EYS: variants seen among roughly 807,000 people sequenced by gnomAD.
EYS encodes protein eyes shut homolog.
A neutral mutation model predicts 282.1 loss-of-function variants in EYS; 250 were observed. That is an observed-to-expected ratio of 0.89 (90% CI 0.80 to 0.98). EYS has a LOEUF of 0.98. Ranked by LOEUF, EYS falls within the 50% of genes least tolerant of loss-of-function variation. The pLI, the probability that EYS is intolerant of heterozygous loss-of-function variation, is 0.00. For synonymous variants in EYS, 1,355 were observed against 1,282.9 expected, an observed-to-expected ratio of 1.06 and a Z score of -1.20; for missense variants, 4,016 against 3,709.0, an observed-to-expected ratio of 1.08 and a Z score of -2.15.
chr6:63,778,016 T>C lies in EYS; in HGVS notation c.7888A>G (p.Thr2630Ala), dbSNP rs1245228917. The change falls in exon 40 of 43, where the codon ACT (threonine) becomes GCT (alanine). Residue 2630 changes from threonine to alanine, a missense_variant. Coordinates refer to ENST00000503581, the MANE Select transcript of EYS (RefSeq NM_001142800.2). ...GNGGTCIESG[T>A]SVYCNCTTGW... is the part of the protein sequence containing the mutation. The stretch of plus-strand genomic sequence containing the variant: ...TAACGTCATACTTACTAAACACTAG[T>C]TCCACTCTCTATGCATGTCCCACCA... The C allele has an allele frequency of 1.9e-6, 3 of 1,551,596 alleles. No individual in the cohort carries two copies. The Admixed American group carries it at 5.9e-5, about 30-fold the overall frequency.
intron 29 of EYS, among the ~76,000 whole-genome samples, chr6:64,318,342 G>A (rs1265375443): frequency 6.6e-6 from 1 of 151,890 alleles, no homozygotes; most frequent in Non-Finnish European, 1.5e-5. Flanking sequence ...TTTAAAGAAA[G>A]TTGAAGTCAG....
At chr6:63,964,015 C>G (rs1766194760) in intron 35 of EYS, among the ~76,000 whole-genome samples, 1 of 152,130 alleles carries the variant, frequency 6.6e-6, no homozygotes, top group South Asian at 2.1e-4. Context: ...AAGATTAAAT[C>G]TGGTTTAAGA....
chr6:64,043,933 T>C (rs1385764264), intron 33 of EYS, among the ~76,000 whole-genome samples: 1 of 152,188 alleles, frequency 6.6e-6, no homozygotes, highest in Admixed American at 6.5e-5. Context: ...TAAGTAAACT[T>C]CTTGTTCATT....
intron 15 of EYS, among the ~76,000 whole-genome samples, chr6:64,941,998 A>C (rs2150093460): frequency 6.6e-6 from 1 of 152,182 alleles, no homozygotes; most frequent in Admixed American, 6.6e-5. Flanking sequence ...GGTGGGTGAA[A>C]TGGTAGTTCT....
intron 22 of EYS, among the ~76,000 whole-genome samples, chr6:64,734,010 C>A (rs1243427495): frequency 6.6e-6 from 1 of 151,890 alleles, no homozygotes; most frequent in African/African-American, 2.4e-5. Context: ...CCTTCAATTA[C>A]GTTTAAAACA....
chr6:64,737,294 A>G (rs1293743820), intron 22 of EYS, among the ~76,000 whole-genome samples: 1 of 152,132 alleles, frequency 6.6e-6, no homozygotes, highest in Non-Finnish European at 1.5e-5. Flanking sequence ...TTCAATATTC[A>G]GTTTTCTTTT....
At chr6:64,790,433 T>C (rs1174203326) in intron 22 of EYS, among the ~76,000 whole-genome samples, 1 of 151,660 alleles carries the variant, frequency 6.6e-6, no homozygotes, top group Non-Finnish European at 1.5e-5. Flanking sequence ...AGTTCAATCA[T>C]AAGACAAGAA....
intron 30 of EYS, among the ~76,000 whole-genome samples, chr6:64,278,655 A>T (rs192717498): frequency 6.6e-6 from 1 of 152,324 alleles, no homozygotes; most frequent in East Asian, 1.9e-4. Context: ...GCTTAAAAAC[A>T]TAGAAATAAT....
At chr6:64,683,949 C>A (rs1769992551) in intron 22 of EYS, among the ~76,000 whole-genome samples, 4 of 152,196 alleles carry the variant, frequency 2.6e-5, no homozygotes, top group African/African-American at 9.7e-5. Flanking sequence ...AGAGCTTCCC[C>A]CGCCCTAGTC....
At chr6:65,150,754 T>G (rs1764593045) in intron 12 of EYS, among the ~76,000 whole-genome samples, 1 of 151,952 alleles carries the variant, frequency 6.6e-6, no homozygotes, top group Non-Finnish European at 1.5e-5. Flanking sequence ...TGGATTATTT[T>G]TCCTCATATT....
chr6:65,113,032 A>G (rs1175010840), intron 12 of EYS, among the ~76,000 whole-genome samples: 1 of 152,056 alleles, frequency 6.6e-6, no homozygotes, highest in Non-Finnish European at 1.5e-5. Flanking sequence ...AATGCCAGGA[A>G]AATTGCCCAC....
intron 5 of EYS, among the ~76,000 whole-genome samples, chr6:65,436,709 T>C (rs750049930): frequency 6.6e-6 from 1 of 152,078 alleles, no homozygotes; most frequent in Non-Finnish European, 1.5e-5. Context: ...ATATACAAAA[T>C]AGATAAATGT....
chr6:65,539,136 G>A (rs1000110020), intron 2 of EYS, among the ~76,000 whole-genome samples: 1 of 152,150 alleles, frequency 6.6e-6, no homozygotes, highest in Non-Finnish European at 1.5e-5. Flanking sequence ...ACTGGAAATT[G>A]CATTAATTCT....
rs186297750 is a variant in EYS, at chr6:64,478,593, A to T, written c.5645-39241T>A. ...ATTTGATGACTGATATAGTAAAAAT[A>T]TTAATAATACTAATATTTATATAGT... is the stretch of plus-strand genomic sequence containing the variant. On this transcript the variant is annotated intron_variant, in intron 26 of 42. Coordinates refer to ENST00000503581, the MANE Select transcript of EYS (RefSeq NM_001142800.2). Among the ~76,000 whole-genome samples the T allele has an allele frequency of 3.0e-4, 45 of 151,228 alleles. No homozygotes were observed. In the South Asian group the frequency reaches 5.0e-3, roughly 17 times the overall value.
intron 28 of EYS, among the ~76,000 whole-genome samples, chr6:64,391,650 C>T (rs919249881): frequency 3.9e-5 from 6 of 152,080 alleles, no homozygotes; most frequent in South Asian, 2.1e-4. Flanking sequence ...AGGAACAACC[C>T]GTACCAGCCG....
chr6:64,772,908 T>C (rs1201105543), intron 22 of EYS, among the ~76,000 whole-genome samples: 2 of 151,822 alleles, frequency 1.3e-5, no homozygotes, highest in African/African-American at 2.4e-5. Context: ...AAACTTCTTC[T>C]ACATGGATAT....
intron 19 of EYS, among the ~76,000 whole-genome samples, chr6:64,858,973 T>C (rs923512201): frequency 6.6e-6 from 1 of 152,036 alleles, no homozygotes; most frequent in African/African-American, 2.4e-5. Context: ...TATTGGAAGA[T>C]GTAGCCAGAG....
intron 41 of EYS, among the ~76,000 whole-genome samples, chr6:63,742,231 G>T (rs760581933): frequency 6.6e-6 from 1 of 151,094 alleles, no homozygotes; most frequent in African/African-American, 2.4e-5. Context: ...TCTGGTCAAG[G>T]TTTTTTTTTA....
At chr6:64,936,822 CAAGCTG>C (rs1768921456) in intron 15 of EYS, among the ~76,000 whole-genome samples, 1 of 151,188 alleles carries the variant, frequency 6.6e-6, no homozygotes, top group Non-Finnish European at 1.5e-5. Context: ...CAGAAAGTAA[CAAGCTG>C]ATACTAAAAT....
Sources: gnomAD v4.1 joint callset for allele counts (sites outside exome capture counted in the v4.1 genomes callset) on GRCh38, gnomAD v4.1.1 for gene constraint, MANE v1.5 for transcripts, NCBI Gene and HGNC (gene_info 2026-07-23, HGNC 2026-07-21) for gene names.